The following RAB3C variants were observed in gnomAD, a reference collection of about 807,000 sequenced individuals.
RAB3C encodes the protein RAB3C, member RAS oncogene family.
In RAB3C, 17 loss-of-function variants were observed where a neutral mutation model predicts 26.4. The ratio of observed to expected loss-of-function variants is 0.64; its 90% CI spans 0.44 to 0.97. RAB3C has a LOEUF of 0.97. Ranked by LOEUF, RAB3C falls within the 50% of genes least tolerant of loss-of-function variation. The pLI is 0.00. For missense variants in RAB3C, 242 were observed against 281.9 expected (o/e 0.86, Z 1.01); for synonymous variants, 91 against 95.9 (o/e 0.95, Z 0.30).
intron 2 of RAB3C, among the ~76,000 whole-genome samples, chr5:58,683,238 T>G (rs1372318425): frequency 3.9e-5 from 6 of 152,244 alleles, no homozygotes; most frequent in African/African-American, 1.2e-4. Flanking sequence ...TATGCCCACT[T>G]TTATAAGTTT....
chr5:58,697,048 T>C (rs1340026419), intron 2 of RAB3C, among the ~76,000 whole-genome samples: 2 of 152,220 alleles, frequency 1.3e-5, no homozygotes, highest in African/African-American at 4.8e-5. Context: ...CTGCTGTCTC[T>C]TGTGGGCATT....
At chr5:58,614,359 C>T (rs1746778987) in intron 1 of RAB3C, among the ~76,000 whole-genome samples, 1 of 151,976 alleles carries the variant, frequency 6.6e-6, no homozygotes, top group Non-Finnish European at 1.5e-5. Flanking sequence ...CTTTCTTCAT[C>T]CTCTGAGCTA....
intron 3 of RAB3C, chr5:58,815,608 G>A (rs555806611): frequency 6.6e-6 from 1 of 152,290 alleles, no homozygotes; most frequent in African/African-American, 2.4e-5. Flanking sequence ...GATGCATTGG[G>A]GCACTGGCAT....
intron 2 of RAB3C, among the ~76,000 whole-genome samples, chr5:58,670,365 T>G (rs868800731): frequency 6.6e-6 from 1 of 152,050 alleles, no homozygotes; most frequent in Non-Finnish European, 1.5e-5. Flanking sequence ...AAGAAAAAAA[T>G]TTGTGAAAGA....
chr5:58,746,128 GAGTTTTAT>G (rs1741397315), intron 3 of RAB3C, among the ~76,000 whole-genome samples: 2 of 152,134 alleles, frequency 1.3e-5, no homozygotes, highest in Non-Finnish European at 2.9e-5. Context: ...TCTTTCAAAG[GAGTTTTAT>G]ATCCTCAAAG....
chr5:58,714,274 A>G (rs1380685116), intron 2 of RAB3C, among the ~76,000 whole-genome samples: 1 of 152,178 alleles, frequency 6.6e-6, no homozygotes, highest in Non-Finnish European at 1.5e-5. Flanking sequence ...AATTAGATTT[A>G]CAGCAGACTT....
Position 58,831,013 on chromosome 5 carries a change from C to T in RAB3C, c.496+5851C>T, listed in dbSNP as rs189872433. Among the ~76,000 whole-genome samples, 185 of 152,200 alleles carry T rather than the reference C, an allele frequency of 1.2e-3. 1 individual carries two copies. The highest frequency in any genetic ancestry group is 2.2e-4 in the Non-Finnish European group (15 of 68,018). On this transcript the variant is annotated intron_variant, in intron 4 of 4. Coordinates refer to ENST00000282878, the MANE Select transcript of RAB3C (RefSeq NM_138453.4). Reference sequence around the variant, plus strand: ...ATCCAAGCCTCCCAAGCAACTGGAACTATAGGCATGCACCACCATGCCTGG... The same window carrying T: ...ATCCAAGCCTCCCAAGCAACTGGAATTATAGGCATGCACCACCATGCCTGG...
At chr5:58,745,964 C>T (rs1368585791) in intron 3 of RAB3C, among the ~76,000 whole-genome samples, 4 of 152,176 alleles carry the variant, frequency 2.6e-5, no homozygotes, top group Non-Finnish European at 4.4e-5. Context: ...CAATCTTATC[C>T]TACATAAATA....
At chr5:58,770,478 C>A (rs1422613331) in intron 3 of RAB3C, among the ~76,000 whole-genome samples, 2 of 152,112 alleles carry the variant, frequency 1.3e-5, no homozygotes. Flanking sequence ...AAAAGATAAA[C>A]TTCCAAGAAC....
At chr5:58,807,045 C>A (rs995712147) in intron 3 of RAB3C, among the ~76,000 whole-genome samples, 3 of 152,158 alleles carry the variant, frequency 2.0e-5, no homozygotes, top group Non-Finnish European at 4.4e-5. Context: ...CAACCAGAAT[C>A]GCCTGAGTAA....
intron 3 of RAB3C, among the ~76,000 whole-genome samples, chr5:58,789,907 C>A (rs1431850898): frequency 2.0e-5 from 3 of 152,110 alleles, no homozygotes; most frequent in Non-Finnish European, 2.9e-5. Flanking sequence ...CACATTTTAC[C>A]AACCTGAAGA....
At chr5:58,680,177 T>C (rs1748317480) in intron 2 of RAB3C, among the ~76,000 whole-genome samples, 1 of 152,082 alleles carries the variant, frequency 6.6e-6, no homozygotes, top group African/African-American at 2.4e-5. Flanking sequence ...AGTTTCCCTT[T>C]TAAAAAAAAT....
At chr5:58,804,265 A>C (rs1197178142) in intron 3 of RAB3C, among the ~76,000 whole-genome samples, 2 of 152,136 alleles carry the variant, frequency 1.3e-5, no homozygotes, top group Non-Finnish European at 2.9e-5. Flanking sequence ...CTCCACATTC[A>C]AATGCCAGGA....
At chr5:58,645,786 G>A (rs1747504923) in intron 2 of RAB3C, among the ~76,000 whole-genome samples, 1 of 152,192 alleles carries the variant, frequency 6.6e-6, no homozygotes, top group Non-Finnish European at 1.5e-5. Context: ...AAGGATTGGT[G>A]TTGAGGGTCA....
chr5:58,724,265 A>G (rs1740833265), intron 2 of RAB3C, among the ~76,000 whole-genome samples: 1 of 151,656 alleles, frequency 6.6e-6, no homozygotes, highest in African/African-American at 2.4e-5. Context: ...ATGGAACCCT[A>G]ACAAGCATGC....
chr5:58,735,980 T>C (rs1175223968), intron 3 of RAB3C, among the ~76,000 whole-genome samples: 1 of 152,182 alleles, frequency 6.6e-6, no homozygotes, highest in African/African-American at 2.4e-5. Flanking sequence ...TACAAATTCC[T>C]GCCTTGTGAG....
chr5:58,758,519 C>G (rs369707160), intron 3 of RAB3C, among the ~76,000 whole-genome samples: 1 of 152,040 alleles, frequency 6.6e-6, no homozygotes, highest in African/African-American at 2.4e-5. Context: ...CATGTTAAAC[C>G]CTTAATTCAT....
intron 2 of RAB3C, among the ~76,000 whole-genome samples, chr5:58,620,289 G>T (rs1051885536): frequency 1.3e-5 from 2 of 151,844 alleles, no homozygotes; most frequent in African/African-American, 4.8e-5. Flanking sequence ...TCCTCTTTAG[G>T]TACATTAGGA....
intron 2 of RAB3C, among the ~76,000 whole-genome samples, chr5:58,707,321 A>G (rs1166589115): frequency 4.6e-5 from 7 of 152,232 alleles, no homozygotes; most frequent in Admixed American, 4.6e-4. Flanking sequence ...ATGAACATGA[A>G]ATATGTTGAT....
Sources: allele counts gnomAD v4.1 joint callset (sites outside exome capture counted in the v4.1 genomes callset), GRCh38; gene constraint gnomAD v4.1.1; transcripts MANE v1.5; gene names NCBI Gene and HGNC (gene_info 2026-07-23, HGNC 2026-07-21).